Variants in CLVS1 observed in about 807,000 individuals in gnomAD.
CLVS1 encodes clavesin 1, also known as clavesin-1.
CLVS1 carries 10 observed loss-of-function variants against 33.1 expected under a neutral mutation model. The ratio of observed to expected loss-of-function variants is 0.30; its 90% CI spans 0.19 to 0.51. CLVS1 has a LOEUF of 0.51. Ranked by LOEUF, CLVS1 falls within the 20% of genes least tolerant of loss-of-function variation. The pLI, the probability that CLVS1 is intolerant of heterozygous loss-of-function variation, is 0.97. For missense variants in CLVS1, 343 were observed against 433.4 expected (o/e 0.79, Z 1.85); for synonymous variants, 163 against 166.1 (o/e 0.98, Z 0.14).
chr8:61,409,852 T>C (rs774607542), intron 3 of CLVS1, among the ~76,000 whole-genome samples: 12 of 152,190 alleles, frequency 7.9e-5, no homozygotes. Context: ...CAGTGAAATT[T>C]TATTTTGCAT....
At chr8:61,300,462 A>G (rs991275873) in intron 2 of CLVS1, 180 bp downstream of exon 2, 11 of 578,028 alleles carry the variant, frequency 1.9e-5, no homozygotes, top group African/African-American at 1.9e-4. Flanking sequence ...ATGGAACAAT[A>G]GAATTGTAAC....
chr8:61,107,711 C>T (rs1805561898), intron 1 of CLVS1, among the ~76,000 whole-genome samples: 1 of 152,224 alleles, frequency 6.6e-6, no homozygotes, highest in South Asian at 2.1e-4. Flanking sequence ...ATCTGTGTCT[C>T]CCCATTGCGT....
At chr8:61,057,757 G>C (rs1470550446) in intron 1 of CLVS1, among the ~76,000 whole-genome samples, 4 of 152,200 alleles carry the variant, frequency 2.6e-5, no homozygotes, top group Non-Finnish European at 4.4e-5. Context: ...AGAAGAAATT[G>C]CTTGAAGTGG....
chr8:61,151,353 G>A (rs770762629), intron 2 of CLVS1, among the ~76,000 whole-genome samples: 6 of 152,062 alleles, frequency 3.9e-5, no homozygotes, highest in Non-Finnish European at 8.8e-5. Context: ...TCTTAATTAC[G>A]TTATCTTGTT....
chr8:61,192,517 G>T (rs1006390551), intron 2 of CLVS1, among the ~76,000 whole-genome samples: 4 of 152,104 alleles, frequency 2.6e-5, no homozygotes, highest in African/African-American at 9.7e-5. Flanking sequence ...AGCTAATATT[G>T]TCAAATACGA....
chr8:61,126,673 A>C (rs753604889), intron 1 of CLVS1, among the ~76,000 whole-genome samples: 15 of 152,212 alleles, frequency 9.9e-5, no homozygotes, highest in Non-Finnish European at 2.1e-4. Context: ...CATTGTATTT[A>C]AAGTCCGGGA....
At chr8:61,022,255 T>C in the CLVS1 span, among the ~76,000 whole-genome samples, 1 of 152,222 alleles carries the variant, frequency 6.6e-6, no homozygotes, top group Non-Finnish European at 1.5e-5. Context: ...ATTAGGGAGA[T>C]TCTGTTTTCC....
chr8:61,390,219 G>A (rs887182466), intron 3 of CLVS1, among the ~76,000 whole-genome samples: 6 of 151,994 alleles, frequency 3.9e-5, no homozygotes, highest in East Asian at 1.9e-4. Flanking sequence ...TTTAAACCTG[G>A]GCATCTGCTC....
At chr8:61,232,927 A>T (rs745558102) in intron 2 of CLVS1, among the ~76,000 whole-genome samples, 1 of 152,208 alleles carries the variant, frequency 6.6e-6, no homozygotes. Context: ...TTCACTTTTC[A>T]TCTGTTTCCT....
At chr8:61,151,291 A>G (rs1806529636) in intron 2 of CLVS1, among the ~76,000 whole-genome samples, 1 of 152,224 alleles carries the variant, frequency 6.6e-6, no homozygotes, top group Non-Finnish European at 1.5e-5. Context: ...AAATGGTTAA[A>G]CTAATATTTA....
chr8:61,355,780 A>G (rs1322566205), intron 2 of CLVS1, among the ~76,000 whole-genome samples: 1 of 152,292 alleles, frequency 6.6e-6, no homozygotes, highest in East Asian at 1.9e-4. Flanking sequence ...TCCATGGTGT[A>G]TATGTGCCAC....
chr8:61,092,830 A>G (rs1413911841), intron 1 of CLVS1, among the ~76,000 whole-genome samples: 1 of 152,200 alleles, frequency 6.6e-6, no homozygotes, highest in African/African-American at 2.4e-5. Context: ...GTCATAACAT[A>G]TTCACAGTTT....
intron 1 of CLVS1, among the ~76,000 whole-genome samples, chr8:61,129,033 G>A (rs1314742416): frequency 1.3e-5 from 2 of 152,108 alleles, no homozygotes; most frequent in African/African-American, 2.4e-5. Context: ...GGTGTTCACC[G>A]AGTCTTATTT....
At chr8:61,179,658 C>A (rs1400453494) in intron 2 of CLVS1, among the ~76,000 whole-genome samples, 1 of 152,192 alleles carries the variant, frequency 6.6e-6, no homozygotes, top group Non-Finnish European at 1.5e-5. Context: ...GACCACAGTG[C>A]AATCAAATTA....
intron 2 of CLVS1, among the ~76,000 whole-genome samples, chr8:61,240,648 T>A (rs1484535295): frequency 6.6e-6 from 1 of 152,242 alleles, no homozygotes; most frequent in African/African-American, 2.4e-5. Flanking sequence ...TTTCACATAT[T>A]GATTCCAATG....
At chr8:61,030,934 C>T in the CLVS1 span, among the ~76,000 whole-genome samples, 5 of 152,142 alleles carry the variant, frequency 3.3e-5, no homozygotes, top group African/African-American at 4.8e-5. Flanking sequence ...CTTAGGGCTT[C>T]GCTTTCCTCA....
At chr8:61,415,777 G>A (rs1815405163) in intron 3 of CLVS1, among the ~76,000 whole-genome samples, 1 of 152,184 alleles carries the variant, frequency 6.6e-6, no homozygotes, top group Non-Finnish European at 1.5e-5. Flanking sequence ...TTGCACATGT[G>A]TAATTAACAA....
chr8:61,348,323 G>T (rs1429994303), intron 2 of CLVS1, among the ~76,000 whole-genome samples: 1 of 144,884 alleles, frequency 6.9e-6, no homozygotes, highest in East Asian at 2.1e-4. Flanking sequence ...ACACACTGGG[G>T]CCTGTCATGG....
chr8:60,979,451 C>T, the CLVS1 span, among the ~76,000 whole-genome samples: 11 of 152,358 alleles, frequency 7.2e-5, no homozygotes, highest in Middle Eastern at 3.4e-3. Context: ...AGAGCAACAA[C>T]ATCTGCAGCA....
Sources: allele counts gnomAD v4.1 joint callset (sites outside exome capture counted in the v4.1 genomes callset), GRCh38; gene constraint gnomAD v4.1.1; transcripts MANE v1.5; gene names NCBI Gene and HGNC (gene_info 2026-07-23, HGNC 2026-07-21).